Variants in ZNF683 observed in about 807,000 individuals in gnomAD.
ZNF683 encodes the protein tissue-resident T-cell transcription regulator protein ZNF683.
ZNF683 carries 20 observed loss-of-function variants against 31.4 expected under a neutral mutation model. The observed-to-expected ratio is 0.64, with a 90% CI of 0.45 to 0.93. The LOEUF (loss-of-function observed/expected upper bound fraction) is 0.93, where lower values mean the gene tolerates loss of function less well. ZNF683 is among the 40% of genes least tolerant of loss of function. ZNF683 has a pLI of 0.00. For synonymous variants in ZNF683, 264 were observed against 267.6 expected, an observed-to-expected ratio of 0.99 and a Z score of 0.13; for missense variants, 621 against 637.2, an observed-to-expected ratio of 0.97 and a Z score of 0.27.
At chr1:26,364,394 C>T (rs1225519737) in intron 4 of ZNF683, 138 bp downstream of exon 4, 4 of 906,578 alleles carry the variant, frequency 4.4e-6, no homozygotes, top group Non-Finnish European at 5.1e-6. Context: ...CCAAATGAAC[C>T]ATCCAAGGTC....
rs146136309 is a variant in ZNF683 at position 26,371,197 on chromosome 1, T to A, written c.-15+1472A>T. ...GACAGAGGACAGAGAAGGCAGCTGATCTCACAGAGATACAGCAAACACGTT... is the reference window on the plus strand; with the variant it reads ...GACAGAGGACAGAGAAGGCAGCTGAACTCACAGAGATACAGCAAACACGTT... On this transcript the variant is annotated intron_variant, in intron 1 of 5. Coordinates refer to ENST00000349618, the MANE Select transcript of ZNF683 (RefSeq NM_001114759.3). Among the ~76,000 whole-genome samples, 23 of 152,248 alleles carry A rather than the reference T, an allele frequency of 1.5e-4. No individual in the cohort carries two copies. The East Asian group carries it at 4.2e-3, about 28-fold the overall frequency.
At chr1:26,365,810 A>T (rs1390776499) in intron 3 of ZNF683, among the ~76,000 whole-genome samples, 2 of 152,276 alleles carry the variant, frequency 1.3e-5, no homozygotes, top group African/African-American at 2.4e-5. Context: ...TGGGAGGCTG[A>T]GGCAGGAGGA....
rs1468631169 is a variant in ZNF683, at chr1:26,367,777, T to C, written c.135A>G (p.Pro45=). The C allele has an allele frequency of 1.3e-6, 2 of 1,597,816 alleles. No individual in the cohort carries two copies. Among genetic ancestry groups the C allele is most frequent in the Non-Finnish European group, 1.7e-6 (2 of 1,170,450 alleles). The change falls in exon 3 of 6, where the codon CCA becomes CCG. Residue 45 remains proline, a synonymous_variant. Transcript: ENST00000349618. ...CATGAGCATCCACCATGTCTGGAAGTGGTCTGCAGGCTGAGAAGACCTGGA... is the reference window on the plus strand; with the variant it reads ...CATGAGCATCCACCATGTCTGGAAGCGGTCTGCAGGCTGAGAAGACCTGGA... ...RGDQVFSACR[P]LPDMVDAHGP...
chr1:26,372,168 C>T (rs1350613683), intron 1 of ZNF683, among the ~76,000 whole-genome samples: 1 of 152,178 alleles, frequency 6.6e-6, no homozygotes, highest in African/African-American at 2.4e-5. Context: ...CCAGAATATA[C>T]AGGGACATCT....
upstream of ZNF683, chr1:26,372,903 G>A (rs2074701140): frequency 9.5e-7 from 1 of 1,054,224 alleles, no homozygotes; most frequent in African/African-American, 1.7e-5. Context: ...GCTCCATGTG[G>A]GAACCTGAGG....
Position 26,364,643 on chromosome 1 carries a change from A to G in ZNF683, c.903T>C (p.Ser301=), listed in dbSNP as rs1367153591. 3 of 1,613,780 alleles carry G rather than the reference A, an allele frequency of 1.9e-6. No individual in the cohort carries two copies. Among genetic ancestry groups the G allele is most frequent in the Non-Finnish European group, 2.5e-6 (3 of 1,179,850 alleles). ...GCAAGGCTGCGGTGCCTGTCTGGGAACTCAATGGGACCCGCTTTGCTGGAG... is the reference window on the plus strand; with the variant it reads ...GCAAGGCTGCGGTGCCTGTCTGGGAGCTCAATGGGACCCGCTTTGCTGGAG... The part of the protein sequence containing the change: ...MASPAKRVPL[S]SQTGTAALPY... The change falls in exon 4 of 6, where the codon AGT becomes AGC. Residue 301 remains serine, a synonymous_variant. Transcript: ENST00000349618.
intron 5 of ZNF683, among the ~76,000 whole-genome samples, chr1:26,362,513 C>G (rs965975335): frequency 1.3e-5 from 2 of 152,098 alleles, no homozygotes; most frequent in African/African-American, 4.8e-5. Flanking sequence ...AGGAGTGAAG[C>G]CACTAGCCAA....
chr1:26,371,202 C>G (rs1332053848), intron 1 of ZNF683, among the ~76,000 whole-genome samples: 1 of 152,190 alleles, frequency 6.6e-6, no homozygotes, highest in Non-Finnish European at 1.5e-5. Context: ...GCTGATCTCA[C>G]AGAGATACAG....
rs527666901 is a variant in ZNF683 at position 26,366,567 on chromosome 1, G to T, written c.319+1026C>A. 2.0e-5 allele frequency among the ~76,000 whole-genome samples: 3 copies of T among 152,164 alleles called. No homozygotes were observed. In the South Asian group the frequency reaches 6.2e-4, roughly 32 times the overall value. The stretch of plus-strand genomic sequence containing the variant: ...GCAGAGATGAGATCACACTTTTATG[G>T]ATGAAGAAACCAGACCTTGGTGTTG... On this transcript the variant is annotated intron_variant, in intron 3 of 5. Transcript: ENST00000349618.
intron 4 of ZNF683, 130 bp from the exon 5 acceptor site, chr1:26,363,284 T>C: frequency 8.1e-7 from 1 of 1,229,504 alleles, no homozygotes; most frequent in East Asian, 2.6e-5. Flanking sequence ...ATCCCCAGGA[T>C]ACTCTACTCT....
chr1:26,367,359 C>G (rs902270268), intron 3 of ZNF683, among the ~76,000 whole-genome samples: 2 of 152,180 alleles, frequency 1.3e-5, no homozygotes, highest in Non-Finnish European at 2.9e-5. Flanking sequence ...TCAGCTCCCA[C>G]ACACATGCCT....
chr1:26,364,733 G>A lies in ZNF683; in HGVS notation c.813C>T (p.Ala271=). 6.2e-7 allele frequency: 1 copy of A among 1,613,822 alleles called. No individual in the cohort carries two copies. The highest frequency in any genetic ancestry group is 8.5e-7 in the Non-Finnish European group (1 of 1,179,816). The change falls in exon 4 of 6, where the codon GCC becomes GCT. Residue 271 remains alanine (A), a synonymous_variant. Coordinates refer to ENST00000349618, the MANE Select transcript of ZNF683 (RefSeq NM_001114759.3). Reference sequence around the variant, plus strand: ...GGGCAGCTCCAGCACCTGGATTTCGGGCCTGGGAAGGCAGAGCTTGGCCAG... The same window carrying A: ...GGGCAGCTCCAGCACCTGGATTTCGAGCCTGGGAAGGCAGAGCTTGGCCAG... ...QASGQALPSQ[A]RNPGAGAAPT...
At chr1:26,364,383 C>T in intron 4 of ZNF683, 149 bp downstream of exon 4, 8 of 828,964 alleles carry the variant, frequency 9.7e-6, no homozygotes, top group Non-Finnish European at 1.3e-5. Context: ...GATATCTCCA[C>T]CCAAATGAAC....
intron 1 of ZNF683, chr1:26,372,363 G>T: frequency 1.3e-6 from 1 of 751,588 alleles, no homozygotes; most frequent in South Asian, 1.7e-5. Flanking sequence ...TGGACGCCCA[G>T]CCTCTGAAAC....
In ZNF683 at chr1:26,362,220, C is replaced by A. The variant is rs761154339; in HGVS notation, c.1144-198G>T. 6.1e-5 allele frequency: 94 copies of A among 1,546,432 alleles called. 1 individual carries two copies. The East Asian group carries it at 2.2e-3, about 36-fold the overall frequency. ...CCAACTTGGGTTAGTGTCCTTTACT[C>A]CATGTGTGACCTTGTAAAAGTAACT... On this transcript the variant is annotated intron_variant, in intron 5 of 5. Transcript: ENST00000349618.
chr1:26,372,555 C>G, intron 1 of ZNF683, 114 bp downstream of exon 1: 1 of 1,305,072 alleles, frequency 7.7e-7, no homozygotes, highest in Non-Finnish European at 1.0e-6. Context: ...CATCTGCCAG[C>G]TCTGCCCTCT....
chr1:26,364,695 G>A lies in ZNF683; in HGVS notation c.851C>T (p.Pro284Leu). 1 of 1,613,888 alleles carries A rather than the reference G, an allele frequency of 6.2e-7. No homozygotes were observed. Among genetic ancestry groups the A allele is most frequent in the South Asian group, 1.1e-5 (1 of 91,084 alleles). The change falls in exon 4 of 6, where the codon CCA (proline) becomes CTA (leucine). Residue 284 changes from proline (P) to leucine (L), a missense_variant. Transcript: ENST00000349618. ...PGAGAAPTDS[P>L]GLERGGMASP... ...TGCCATGCCACCACGCTCCAGGCCT[G>A]GGGAGTCGGTTGGGGCAGCTCCAGC...
In ZNF683 at chr1:26,364,614, T is replaced by G. The variant is rs770307447; in HGVS notation, c.932A>C (p.Tyr311Ser). The G allele has an allele frequency of 6.2e-7, 1 of 1,613,912 alleles. No individual in the cohort carries two copies. The highest frequency in any genetic ancestry group is 1.1e-5 in the South Asian group (1 of 91,076). ...TTTGCCATTCTTCTTTTTCAGCGGG[T>G]AAGGCAAGGCTGCGGTGCCTGTCTG... ...SSQTGTAALPYPLKKKNGKIL... is the reference protein window; with the variant it reads ...SSQTGTAALPSPLKKKNGKIL... Residue 311 changes from tyrosine to serine, a missense_variant, in exon 4 of 6, where the codon TAC becomes TCC. Physicochemically the swap from Tyr to Ser is moderately radical, Grantham distance 144. Coordinates refer to ENST00000349618, the MANE Select transcript of ZNF683 (RefSeq NM_001114759.3).
chr1:26,366,234 T>C (rs991723949), intron 3 of ZNF683, among the ~76,000 whole-genome samples: 2 of 151,522 alleles, frequency 1.3e-5, no homozygotes, highest in African/African-American at 4.9e-5. Context: ...GTGGCATGTG[T>C]CTGTAGTAGT....
Sources: allele counts gnomAD v4.1 joint callset (sites outside exome capture counted in the v4.1 genomes callset), GRCh38; gene constraint gnomAD v4.1.1; transcripts MANE v1.5; gene names NCBI Gene and HGNC (gene_info 2026-07-23, HGNC 2026-07-21).